The following NELL1 variants were observed in gnomAD, a reference collection of about 807,000 sequenced individuals.
NELL1 encodes the protein protein kinase C-binding protein NELL1.
NELL1 carries 76 observed loss-of-function variants against 107.4 expected under a neutral mutation model. That is an observed-to-expected ratio of 0.71 (90% CI 0.59 to 0.86). The LOEUF (loss-of-function observed/expected upper bound fraction) is 0.86. Among genes scored for constraint, NELL1 ranks in the 40% least tolerant of loss-of-function variants. The probability of loss-of-function intolerance (pLI) is 0.00; values close to 1 mark genes in which losing one functional copy is unlikely to be tolerated. For missense variants in NELL1, 1,024 were observed against 1,005.5 expected, an observed-to-expected ratio of 1.02 and a Z score of -0.25; for synonymous variants, 353 against 341.2, an observed-to-expected ratio of 1.03 and a Z score of -0.38.
At chr11:21,503,608 T>C (rs1187121288) in intron 15 of NELL1, among the ~76,000 whole-genome samples, 2 of 152,202 alleles carry the variant, frequency 1.3e-5, no homozygotes, top group African/African-American at 4.8e-5. Context: ...GTACAGAGAA[T>C]AATATTTGTC....
At chr11:20,816,774 G>A (rs1479110685) in intron 3 of NELL1, among the ~76,000 whole-genome samples, 1 of 152,072 alleles carries the variant, frequency 6.6e-6, no homozygotes, top group Non-Finnish European at 1.5e-5. Context: ...TTGGCTGTTG[G>A]TTTGTCATAG....
At chr11:21,343,833 C>T (rs901606862) in intron 14 of NELL1, among the ~76,000 whole-genome samples, 3 of 152,106 alleles carry the variant, frequency 2.0e-5, no homozygotes, top group African/African-American at 7.2e-5. Context: ...ATCCTCTTAT[C>T]TTTCTTAGAT....
chr11:21,297,462 A>G (rs1352035611), intron 14 of NELL1, among the ~76,000 whole-genome samples: 3 of 152,082 alleles, frequency 2.0e-5, no homozygotes, highest in Non-Finnish European at 2.9e-5. Context: ...TGTTTTCTCC[A>G]AGGTAAGAAA....
intron 3 of NELL1, among the ~76,000 whole-genome samples, chr11:20,802,411 T>TG (rs1321413352): frequency 1.3e-5 from 2 of 151,936 alleles, no homozygotes; most frequent in Non-Finnish European, 2.9e-5. Flanking sequence ...AAATGCTGTT[T>TG]TTTTTTTTGT....
intron 2 of NELL1, among the ~76,000 whole-genome samples, chr11:20,719,133 TA>T (rs1855319041): frequency 6.6e-6 from 1 of 152,214 alleles, no homozygotes; most frequent in Non-Finnish European, 1.5e-5. Flanking sequence ...TGAATGATAA[TA>T]AAGTTTATTG....
At chr11:20,815,841 T>G (rs1258400939) in intron 3 of NELL1, among the ~76,000 whole-genome samples, 5 of 152,142 alleles carry the variant, frequency 3.3e-5, no homozygotes, top group Non-Finnish European at 7.4e-5. Context: ...TATGGTAAAA[T>G]GTAGGGGTCC....
chr11:20,976,597 G>T (rs945254052), intron 12 of NELL1, among the ~76,000 whole-genome samples: 1 of 152,058 alleles, frequency 6.6e-6, no homozygotes, highest in African/African-American at 2.4e-5. Context: ...TATCAAATTT[G>T]CATATAATGG....
Position 21,528,580 on chromosome 11 carries a change from C to G in NELL1, c.1646-5794C>G, listed in dbSNP as rs527852771. ...TGAGACCACCACCAAATGCAGCTAC[C>G]TAATCTTGGACTTTTCAGTCACCAG... On this transcript the variant is annotated intron_variant, in intron 15 of 19. Transcript: ENST00000357134. Among the ~76,000 whole-genome samples, 278 of 143,368 alleles carry G rather than the reference C, an allele frequency of 1.9e-3. 1 individual carries two copies. Among genetic ancestry groups the G allele is most frequent in the Non-Finnish European group, 2.9e-3 (191 of 66,538 alleles). The allele number at this position is 143,368 out of a possible 152,430, so 94.1% of individuals were successfully genotyped here. A position where few individuals can be genotyped will look rare whatever the true frequency, so the allele number is the denominator to read the frequency against.
chr11:21,044,889 CT>C (rs1853319770), intron 12 of NELL1, among the ~76,000 whole-genome samples: 1 of 151,964 alleles, frequency 6.6e-6, no homozygotes, highest in Admixed American at 6.6e-5. Flanking sequence ...GGAAGAGGGG[CT>C]AAAAGGAATA....
At chr11:21,526,639 G>C (rs556543834) in intron 15 of NELL1, among the ~76,000 whole-genome samples, 1 of 152,266 alleles carries the variant, frequency 6.6e-6, no homozygotes, top group Admixed American at 6.5e-5. Flanking sequence ...CTAGGCGATG[G>C]TTCCCAAACC....
rs142169517 is a variant in NELL1 at position 21,105,542 on chromosome 11, A to G, written c.1301-8047A>G. Among the ~76,000 whole-genome samples, 465 of 152,250 alleles carry G rather than the reference A, an allele frequency of 3.1e-3. 2 individuals are homozygous for G. The highest frequency in any genetic ancestry group is 0.011 in the African/African-American group (441 of 41,572). On this transcript the variant is annotated intron_variant, in intron 12 of 19. Transcript: ENST00000357134. ...GGAGAAGATGGAGCCACCATGTTGGACATGCCTAGGGCCCGGATAGCCTTT... is the reference window on the plus strand; with the variant it reads ...GGAGAAGATGGAGCCACCATGTTGGGCATGCCTAGGGCCCGGATAGCCTTT...
intron 14 of NELL1, among the ~76,000 whole-genome samples, chr11:21,301,190 T>C (rs1013422815): frequency 3.9e-5 from 6 of 152,178 alleles, no homozygotes; most frequent in African/African-American, 1.4e-4. Context: ...TTGTGAATAG[T>C]GCCACAATAA....
chr11:20,897,237 A>G (rs1247411246), intron 5 of NELL1, among the ~76,000 whole-genome samples: 1 of 152,216 alleles, frequency 6.6e-6, no homozygotes, highest in African/African-American at 2.4e-5. Flanking sequence ...GGAACAGAAC[A>G]GAGCCCTCAG....
intron 19 of NELL1, among the ~76,000 whole-genome samples, chr11:21,574,333 A>G (rs1199480628): frequency 2.0e-5 from 3 of 151,766 alleles, no homozygotes; most frequent in Non-Finnish European, 4.4e-5. Context: ...ATATAGAAAA[A>G]GGTCCATGGT....
intron 14 of NELL1, among the ~76,000 whole-genome samples, chr11:21,345,144 G>A (rs576551855): frequency 1.3e-5 from 2 of 152,212 alleles, no homozygotes; most frequent in East Asian, 3.9e-4. Context: ...TTAGCCTTCT[G>A]GAAAAATTCC....
At position 20,696,692 on chromosome 11, in the gene NELL1, C is replaced by T. The variant is rs753932139; in HGVS notation, c.184+18632C>T. On this transcript the variant is annotated intron_variant, in intron 2 of 19. Transcript: ENST00000357134. ...ACTACTCAATTTTTTTGGTCTACATCTTACCATTTATTTTTTGTCATCTGA... is the reference window on the plus strand; with the variant it reads ...ACTACTCAATTTTTTTGGTCTACATTTTACCATTTATTTTTTGTCATCTGA... Among the ~76,000 whole-genome samples, 126 of 152,042 alleles carry T rather than the reference C, an allele frequency of 8.3e-4. 1 individual carries two copies. The highest frequency in any genetic ancestry group is 1.5e-3 in the Non-Finnish European group (99 of 67,968).
At chr11:21,036,193 T>C (rs1590567394) in intron 12 of NELL1, among the ~76,000 whole-genome samples, 1 of 152,030 alleles carries the variant, frequency 6.6e-6, no homozygotes, top group Non-Finnish European at 1.5e-5. Flanking sequence ...GTGAAAGATC[T>C]CTATGAGGAA....
intron 4 of NELL1, among the ~76,000 whole-genome samples, chr11:20,881,714 GT>G (rs200190268): frequency 5.4e-5 from 8 of 147,612 alleles, no homozygotes; most frequent in South Asian, 4.3e-4. Flanking sequence ...ATTCTGTTTT[GT>G]TTTTTTTTTC....
chr11:20,756,666 A>T (rs2133952384), intron 2 of NELL1, among the ~76,000 whole-genome samples: 1 of 101,612 alleles, frequency 9.8e-6, no homozygotes, highest in East Asian at 3.1e-4. Flanking sequence ...AGGCCAGAAA[A>T]TTCTTTTTTG....
Sources: gnomAD v4.1 joint callset for allele counts (sites outside exome capture counted in the v4.1 genomes callset) on GRCh38, gnomAD v4.1.1 for gene constraint, MANE v1.5 for transcripts, NCBI Gene and HGNC (gene_info 2026-07-23, HGNC 2026-07-21) for gene names.